Variants in KSR1 observed in about 807,000 individuals in gnomAD.
KSR1 encodes the protein kinase suppressor of ras.
Under a neutral mutation model 92.9 loss-of-function variants are expected in KSR1, and 35 were observed. The observed-to-expected ratio is 0.38, with a 90% CI of 0.29 to 0.50. KSR1 has a LOEUF of 0.50. Among genes scored for constraint, KSR1 ranks in the 20% least tolerant of loss-of-function variants. The pLI is 0.94. For synonymous variants in KSR1, 467 were observed against 472.6 expected (o/e 0.99, Z 0.15); for missense variants, 972 against 1,158.5 (o/e 0.84, Z 2.34).
At chr17:27,497,387 A>G (rs773590381) in intron 1 of KSR1, among the ~76,000 whole-genome samples, 1 of 152,224 alleles carries the variant, frequency 6.6e-6, no homozygotes, top group Non-Finnish European at 1.5e-5. Context: ...GTCCTGGGAC[A>G]AGGATGGTGC....
chr17:27,620,907 G>A (rs573072309), intron 19 of KSR1: 10 of 296,790 alleles, frequency 3.4e-5, no homozygotes, highest in Admixed American at 1.0e-4. Context: ...CAGCCCCTTC[G>A]AGGAAAGCAT....
chr17:27,605,220 G>A lies in KSR1; in HGVS notation c.1615-214G>A, dbSNP rs140100094. Among the ~76,000 whole-genome samples, 17 of 152,318 alleles carry A rather than the reference G, an allele frequency of 1.1e-4. No homozygotes were observed. In the East Asian group the frequency reaches 2.7e-3, roughly 24 times the overall value. On this transcript the variant is annotated intron_variant, in intron 13 of 20. Coordinates refer to ENST00000644974, the MANE Select transcript of KSR1 (RefSeq NM_001394583.1). ...GCATGATGAAGGGCCTCAGGTCACCGGGGCCAGCCGCCACATATTGTGGAT... is the reference window on the plus strand; with the variant it reads ...GCATGATGAAGGGCCTCAGGTCACCAGGGCCAGCCGCCACATATTGTGGAT...
At chr17:27,585,921 A>G (rs917148641) in intron 5 of KSR1, 2 of 542,362 alleles carry the variant, frequency 3.7e-6, no homozygotes, top group Non-Finnish European at 6.6e-6. Context: ...AGGCAGCCCC[A>G]TGAAGAGCCC....
At chr17:27,571,220 A>G (rs1462334360) in intron 2 of KSR1, among the ~76,000 whole-genome samples, 1 of 152,196 alleles carries the variant, frequency 6.6e-6, no homozygotes, top group African/African-American at 2.4e-5. Flanking sequence ...AGCAAAGCCA[A>G]CATCCCCAGG....
chr17:27,527,237 T>TC, intron 1 of KSR1: 1 of 223,670 alleles, frequency 4.5e-6, no homozygotes, highest in Non-Finnish European at 9.4e-6. Context: ...CCACTATATT[T>TC]CCCCTGGCCG....
chr17:27,528,281 G>A (rs1472538593), intron 1 of KSR1, among the ~76,000 whole-genome samples: 1 of 151,956 alleles, frequency 6.6e-6, no homozygotes, highest in Non-Finnish European at 1.5e-5. Context: ...TGGCCAGGCT[G>A]GTCTCAAACT....
chr17:27,505,228 C>G (rs1035793395), intron 1 of KSR1, among the ~76,000 whole-genome samples: 1 of 152,178 alleles, frequency 6.6e-6, no homozygotes, highest in African/African-American at 2.4e-5. Context: ...GTTCTCTCAC[C>G]TCCTGGTTCT....
At chr17:27,460,864 G>C (rs1194431990) in intron 1 of KSR1, among the ~76,000 whole-genome samples, 1 of 152,198 alleles carries the variant, frequency 6.6e-6, no homozygotes, top group East Asian at 1.9e-4. Context: ...CTGTTGATGT[G>C]CTTACCTGGC....
At chr17:27,499,433 C>T (rs1407484905) in intron 1 of KSR1, among the ~76,000 whole-genome samples, 1 of 152,212 alleles carries the variant, frequency 6.6e-6, no homozygotes, top group African/African-American at 2.4e-5. Context: ...CAAAAATTAT[C>T]CCAGCTTTTG....
chr17:27,456,917 G>C (rs769207565), intron 1 of KSR1, 43 bp downstream of exon 1: 5 of 766,616 alleles, frequency 6.5e-6, no homozygotes, highest in African/African-American at 5.1e-5. Flanking sequence ...GAGCGGGCCC[G>C]GACACCTCCC....
chr17:27,564,590 T>C (rs2071982430), intron 2 of KSR1, among the ~76,000 whole-genome samples: 1 of 152,186 alleles, frequency 6.6e-6, no homozygotes, highest in Admixed American at 6.5e-5. Context: ...TGAGCCTCAC[T>C]ACCTTCTACT....
intron 1 of KSR1, among the ~76,000 whole-genome samples, chr17:27,522,163 T>G (rs1183589102): frequency 6.6e-6 from 1 of 151,944 alleles, no homozygotes; most frequent in Non-Finnish European, 1.5e-5. Flanking sequence ...CCCGGTGGAG[T>G]GTCTCTCTGA....
intron 11 of KSR1, among the ~76,000 whole-genome samples, chr17:27,603,298 C>T (rs1036910358): frequency 1.3e-4 from 20 of 152,238 alleles, no homozygotes; most frequent in African/African-American, 4.3e-4. Flanking sequence ...GCCGAGGGCT[C>T]GGGGCCTCTG....
intron 18 of KSR1, 21 bp downstream of exon 18, chr17:27,611,650 G>GT (rs752484052): frequency 9.9e-6 from 16 of 1,613,372 alleles, no homozygotes; most frequent in Non-Finnish European, 1.7e-6. Flanking sequence ...CCTGCCCTGG[G>GT]TGGAGCAGTA....
chr17:27,548,227 C>T (rs1289447539), intron 1 of KSR1, among the ~76,000 whole-genome samples: 1 of 124,662 alleles, frequency 8.0e-6, no homozygotes, highest in Non-Finnish European at 1.7e-5. Flanking sequence ...GAGACCCCAT[C>T]TCAAAAAAAA....
chr17:27,600,347 GGA>G (rs1224220104), intron 10 of KSR1, among the ~76,000 whole-genome samples: 3 of 152,048 alleles, frequency 2.0e-5, no homozygotes, highest in African/African-American at 7.2e-5. Context: ...GGCTGAGGCA[GGA>G]GAATCGCTTG....
intron 1 of KSR1, among the ~76,000 whole-genome samples, chr17:27,511,292 A>G (rs944076444): frequency 2.0e-5 from 3 of 152,192 alleles, no homozygotes; most frequent in African/African-American, 7.2e-5. Flanking sequence ...CAGAGCCAGA[A>G]GCCTCTTACC....
chr17:27,543,316 A>G (rs999440988), intron 1 of KSR1, among the ~76,000 whole-genome samples: 1 of 152,158 alleles, frequency 6.6e-6, no homozygotes, highest in Non-Finnish European at 1.5e-5. Flanking sequence ...TGGGACAGCC[A>G]TGACACACCA....
intron 1 of KSR1, among the ~76,000 whole-genome samples, chr17:27,545,006 G>A (rs2071109499): frequency 6.6e-6 from 1 of 152,250 alleles, no homozygotes; most frequent in Non-Finnish European, 1.5e-5. Flanking sequence ...TTCTTAACAA[G>A]TTCTGGGAGA....
Sources: gnomAD v4.1 joint callset for allele counts (sites outside exome capture counted in the v4.1 genomes callset) on GRCh38, gnomAD v4.1.1 for gene constraint, MANE v1.5 for transcripts, NCBI Gene and HGNC (gene_info 2026-07-23, HGNC 2026-07-21) for gene names.